Variants in CKAP5 observed in about 807,000 individuals in gnomAD.
CKAP5 encodes cytoskeleton-associated protein 5.
CKAP5 carries 27 observed loss-of-function variants against 232.8 expected under a neutral mutation model. The ratio of observed to expected loss-of-function variants is 0.12; its 90% CI spans 0.09 to 0.16. The LOEUF is 0.16. Ranked by LOEUF, CKAP5 falls within the 10% of genes least tolerant of loss-of-function variation. The pLI is 1.00. For missense variants in CKAP5, 1,838 were observed against 2,424.7 expected (o/e 0.76, Z 5.08); for synonymous variants, 785 against 841.1 (o/e 0.93, Z 1.16).
At position 46,761,966 on chromosome 11, in the gene CKAP5, C is replaced by T. The variant is rs186718135; in HGVS notation, c.4221+34G>A. 6,530 of 1,547,896 alleles carry T rather than the reference C, an allele frequency of 4.2e-3. 29 individuals carry two copies. Among genetic ancestry groups the T allele is most frequent in the Non-Finnish European group, 4.4e-3 (4,970 of 1,129,984 alleles). On this transcript the variant is annotated intron_variant, in intron 32 of 43. Transcript: ENST00000529230. The stretch of plus-strand genomic sequence containing the variant: ...CTAGGAGATCTTGCAATTCTTTTCA[C>T]GACATGCTGACAGTGTTCAGAGAAG...
chr11:46,833,125 C>T (rs966312198), intron 1 of CKAP5, among the ~76,000 whole-genome samples: 49 of 151,922 alleles, frequency 3.2e-4, no homozygotes, highest in African/African-American at 1.2e-3. Context: ...GAGAGTATGA[C>T]GGAGGAATCT....
rs2134638211 is a variant in CKAP5 at position 46,790,174 on chromosome 11, C to T, written c.1777G>A (p.Glu593Lys). ...GGAAGAACAGCTGAAGCTTTTTCTT[C>T]ACATACTTCTATCTGTAAGATACAA... is the stretch of plus-strand genomic sequence containing the variant. ...VEPELSIEVC[E>K]EKASAVLPPT... The change falls in exon 15 of 44, where the codon GAA becomes AAA. Residue 593 changes from glutamate (E) to lysine (K), a missense_variant. This residue lies in a region of CKAP5 where 767 missense variants were observed against 954.6 expected (regional missense o/e 0.80). Transcript: ENST00000529230. The T allele has an allele frequency of 6.2e-7, 1 of 1,601,982 alleles. No individual in the cohort carries two copies. The highest frequency in any genetic ancestry group is 8.5e-7 in the Non-Finnish European group (1 of 1,170,364).
chr11:46,786,933 A>G (rs1232362789), intron 16 of CKAP5, among the ~76,000 whole-genome samples: 1 of 152,190 alleles, frequency 6.6e-6, no homozygotes, highest in Non-Finnish European at 1.5e-5. Flanking sequence ...TTAACCAAGG[A>G]GAGAGTCTTT....
chr11:46,839,170 G>T (rs1156290159), intron 1 of CKAP5, among the ~76,000 whole-genome samples: 1 of 152,158 alleles, frequency 6.6e-6, no homozygotes, highest in African/African-American at 2.4e-5. Context: ...GACCAAGAGG[G>T]CTCCTCTAAT....
intron 35 of CKAP5, among the ~76,000 whole-genome samples, chr11:46,757,283 G>C (rs991439941): frequency 6.6e-6 from 1 of 150,742 alleles, no homozygotes; most frequent in African/African-American, 2.4e-5. Context: ...ACCTGAGGTT[G>C]GGAGTTCAAG....
At chr11:46,765,367 G>T in intron 27 of CKAP5, 111 bp from the exon 28 acceptor site, 5 of 929,750 alleles carry the variant, frequency 5.4e-6, no homozygotes, top group South Asian at 2.8e-5. Context: ...CTTTCTACGT[G>T]ATATTTCACA....
At chr11:46,835,573 C>T (rs185470809) in intron 1 of CKAP5, among the ~76,000 whole-genome samples, 16 of 151,778 alleles carry the variant, frequency 1.1e-4, no homozygotes, top group Non-Finnish European at 2.4e-4. Flanking sequence ...AATTATTCGA[C>T]GGAAAAAAAT....
At chr11:46,828,121 T>C (rs1005908180) in intron 1 of CKAP5, among the ~76,000 whole-genome samples, 2 of 152,028 alleles carry the variant, frequency 1.3e-5, no homozygotes. Context: ...ACAACAGGAA[T>C]AAAGCAGAAA....
At position 46,752,685 on chromosome 11, in the gene CKAP5, T is replaced by C. The variant is rs2065078822; in HGVS notation, c.5083A>G (p.Ser1695Gly). 8 of 1,613,146 alleles carry C rather than the reference T, an allele frequency of 5.0e-6. No individual in the cohort carries two copies. Among genetic ancestry groups the C allele is most frequent in the Middle Eastern group, 1.7e-4 (1 of 6,058 alleles). ...GGAGAACTGGCTGTTGCTAGCAGGCTGTCTTGGAGCAAAACAAGTAGGGCA... is the reference window on the plus strand; with the variant it reads ...GGAGAACTGGCTGTTGCTAGCAGGCCGTCTTGGAGCAAAACAAGTAGGGCA... ...LSALLVLLQD[S>G]LLATASSPKF... Residue 1695 changes from serine (S) to glycine (G), a missense_variant, in exon 38 of 44, where the codon AGC (serine) becomes GGC (glycine). Around this residue, in one of 6 missense-constraint regions of CKAP5, gnomAD observed 579 missense variants for 843.2 expected, o/e 0.69. Transcript: ENST00000529230.
At chr11:46,838,661 T>TGG (rs1939974474) in intron 1 of CKAP5, among the ~76,000 whole-genome samples, 1 of 139,436 alleles carries the variant, frequency 7.2e-6, no homozygotes, top group Non-Finnish European at 1.5e-5. Flanking sequence ...CCGGGTGTGG[T>TGG]GGCACTCGCC....
At chr11:46,793,436 G>T (rs565073639) in intron 13 of CKAP5, among the ~76,000 whole-genome samples, 7 of 152,338 alleles carry the variant, frequency 4.6e-5, no homozygotes, top group Admixed American at 6.5e-5. Context: ...AAAGAATGCC[G>T]TAATTGCCAC....
chr11:46,798,318 T>C lies in CKAP5; in HGVS notation c.1084-146A>G, dbSNP rs978001508. Reference sequence around the variant, plus strand: ...GGCTGGGCACAGTGACTCATGCCTGTAATCCCAGCACTTTGGGAGGCTGAG... The same window carrying C: ...GGCTGGGCACAGTGACTCATGCCTGCAATCCCAGCACTTTGGGAGGCTGAG... On this transcript the variant is annotated intron_variant, in intron 9 of 43. Coordinates refer to ENST00000529230, the MANE Select transcript of CKAP5 (RefSeq NM_001008938.4). 4.6e-6 allele frequency: 3 copies of C among 649,484 alleles called. No individual in the cohort carries two copies. The African/African-American group carries it at 5.5e-5, about 12-fold the overall frequency. The allele number at this position is 649,484 out of a possible 1,614,324, so 40.2% of individuals were successfully genotyped here.
intron 42 of CKAP5, among the ~76,000 whole-genome samples, chr11:46,744,957 TAA>T (rs1192247593): frequency 3.3e-5 from 5 of 152,318 alleles, no homozygotes; most frequent in Non-Finnish European, 7.4e-5. Flanking sequence ...AGAATTAGAT[TAA>T]GTTTGGACCA....
Position 46,816,296 on chromosome 11 carries a change from C to A in CKAP5, c.360G>T (p.Glu120Asp), listed in dbSNP as rs1939399766. ...GCTCTTCTTGAACAGCCTCTCCTTT[C>A]TCAATCTCTATGTACATAAGACAGA... ...IEICLMYIEI[E>D]KGEAVQEELL... The change falls in exon 4 of 44, where the codon GAG becomes GAT. Residue 120 changes from glutamate (E) to aspartate (D), a missense_variant. Around this residue, in one of 6 missense-constraint regions of CKAP5, gnomAD observed 285 missense variants for 300.0 expected, o/e 0.95. Transcript: ENST00000529230. 3 of 1,614,054 alleles carry A rather than the reference C, an allele frequency of 1.9e-6. No homozygotes were observed. The South Asian group carries it at 3.3e-5, about 18-fold the overall frequency.
intron 4 of CKAP5, among the ~76,000 whole-genome samples, chr11:46,813,589 A>G (rs1160210695): frequency 6.6e-6 from 1 of 152,200 alleles, no homozygotes; most frequent in African/African-American, 2.4e-5. Context: ...CAAGCTCTGG[A>G]ACCCAGGATC....
intron 35 of CKAP5, chr11:46,758,714 G>GAA (rs5791737): frequency 6.0e-4 from 206 of 340,874 alleles, no homozygotes; most frequent in East Asian, 1.1e-3. Flanking sequence ...CTCAAAAGAG[G>GAA]AAAAAAAAAA....
intron 1 of CKAP5, among the ~76,000 whole-genome samples, chr11:46,835,995 G>C (rs1939909563): frequency 6.6e-6 from 1 of 152,122 alleles, no homozygotes; most frequent in Non-Finnish European, 1.5e-5. Context: ...CTAATCATGA[G>C]AAAAATATCA....
chr11:46,754,884 T>C lies in CKAP5; in HGVS notation c.4869+4A>G. On this transcript the variant is annotated splice_donor_region_variant and intron_variant, in intron 36 of 43. Transcript: ENST00000529230. ...AAGCTGAAATTCTGCAGAGGTGCCC[T>C]TACCGAAATCATGTTGCCAATGATA... is the stretch of plus-strand genomic sequence containing the variant. The C allele has an allele frequency of 6.2e-7, 1 of 1,610,966 alleles. No homozygotes were observed. Among genetic ancestry groups the C allele is most frequent in the Non-Finnish European group, 8.5e-7 (1 of 1,178,514 alleles).
Position 46,744,172 on chromosome 11 carries a change from G to A in CKAP5, c.5950C>T (p.Gln1984Ter), listed in dbSNP as rs2065005599. ...STDMLHSKLS[Q>*]LRESREQHQH... ...TGCTGCTCCCGTGACTCCCGGAGCTGAGAGAGTTTGCTGTGGAGCATGTCT... is the reference window on the plus strand; with the variant it reads ...TGCTGCTCCCGTGACTCCCGGAGCTAAGAGAGTTTGCTGTGGAGCATGTCT... The change falls in exon 44 of 44, where the codon CAG (glutamine) becomes TAG (stop). Residue 1984 changes from glutamine to a stop codon, truncating the protein, a stop_gained. Transcript: ENST00000529230. LOFTEE classifies it high-confidence loss of function. The A allele has an allele frequency of 6.2e-7, 1 of 1,614,080 alleles. No homozygotes were observed.
Sources: allele counts gnomAD v4.1 joint callset (sites outside exome capture counted in the v4.1 genomes callset), GRCh38; gene constraint gnomAD v4.1.1; regional missense constraint gnomAD v4.1.1; transcripts MANE v1.5; gene names NCBI Gene and HGNC (gene_info 2026-07-23, HGNC 2026-07-21).